ITIH4: variants seen among roughly 807,000 people sequenced by gnomAD.
The protein encoded by ITIH4 is inter-alpha-trypsin inhibitor heavy chain H4.
A neutral mutation model predicts 111.8 loss-of-function variants in ITIH4; 79 were observed. The observed-to-expected ratio is 0.71, with a 90% confidence interval of 0.59 to 0.85. The LOEUF (loss-of-function observed/expected upper bound fraction) is 0.85. Ranked by LOEUF, ITIH4 falls within the 40% of genes least tolerant of loss-of-function variation. The probability of loss-of-function intolerance (pLI) is 0.00; values close to 1 mark genes in which losing one functional copy is unlikely to be tolerated. For synonymous variants in ITIH4, 472 were observed against 468.3 expected, an observed-to-expected ratio of 1.01 and a Z score of -0.10; for missense variants, 1,065 against 1,195.8, an observed-to-expected ratio of 0.89 and a Z score of 1.61.
At position 52,814,358 on chromosome 3, in the gene ITIH4, T is replaced by G. The variant is rs1700241724; in HGVS notation, c.2477A>C (p.Lys826Thr). 6.2e-7 allele frequency: 1 copy of G among 1,613,820 alleles called. No homozygotes were observed. The highest frequency in any genetic ancestry group is 8.5e-7 in the Non-Finnish European group (1 of 1,179,906). Reference protein sequence around the residue: ...ETLFSVMPGLKMTMDKTGLLL... With the variant: ...ETLFSVMPGLTMTMDKTGLLL... ...GAGACCCGTCTTGTCCATGGTCATC[T>G]TCAGGCTGTGGAAAGACCCAGTGTC... Residue 826 changes from lysine to threonine, a missense_variant, in exon 22 of 24, where the codon AAG becomes ACG. Physicochemically the swap from Lys to Thr is moderately conservative, Grantham distance 78 (BLOSUM62 -1). Coordinates refer to ENST00000266041, the MANE Select transcript of ITIH4 (RefSeq NM_002218.5).
intron 18 of ITIH4, 80 bp downstream of exon 18, chr3:52,818,382 C>A (rs1279032661): frequency 1.3e-6 from 2 of 1,574,148 alleles, no homozygotes; most frequent in East Asian, 4.5e-5. Flanking sequence ...TCCCTCACTA[C>A]TTCAACATCG....
At chr3:52,819,235 C>A (rs1313041120) in intron 17 of ITIH4, 158 bp downstream of exon 17, 1 of 767,448 alleles carries the variant, frequency 1.3e-6, no homozygotes, top group East Asian at 2.8e-5. Context: ...GTAAATGATC[C>A]CAGGTTGAAC....
rs117681659 is a variant in ITIH4 at position 52,813,214 on chromosome 3, C to T, written c.*207G>A. ...TGACAGTGGAAGCTTCTGTGTTCCA[C>T]GATGCTAAGGTTCAGGATGCGAGGT... is the stretch of plus-strand genomic sequence containing the variant. On this transcript the variant is annotated 3_prime_UTR_variant, in exon 24 of 24. Transcript: ENST00000266041. The T allele has an allele frequency of 0.014, 7,826 of 571,288 alleles. 394 individuals are homozygous for T. The highest frequency in any genetic ancestry group is 0.12 in the South Asian group (5,113 of 43,852). 35.4% of individuals were successfully genotyped at this position (571,288 alleles called of 1,614,324 possible).
chr3:52,813,566 GGGACA>G, intron 23 of ITIH4, 76 bp from the exon 24 acceptor site: 3 of 1,328,594 alleles, frequency 2.3e-6, no homozygotes, highest in Non-Finnish European at 3.3e-6. Context: ...GAGACAGCTG[GGGACA>G]GGAACATGGA....
At position 52,813,275 on chromosome 3, in the gene ITIH4, C is replaced by T; in HGVS notation, c.*146G>A. 2 of 735,868 alleles carry T rather than the reference C, an allele frequency of 2.7e-6. No individual in the cohort carries two copies. Among genetic ancestry groups the T allele is most frequent in the African/African-American group, 1.8e-5 (1 of 57,126 alleles). 45.6% of individuals were successfully genotyped at this position (735,868 alleles called of 1,614,324 possible). On this transcript the variant is annotated 3_prime_UTR_variant, in exon 24 of 24. Coordinates refer to ENST00000266041, the MANE Select transcript of ITIH4 (RefSeq NM_002218.5). ...GGATTTGGCCACATGGAACTGGAGA[C>T]ACCCACTTCCCAGGCTCACACCACC...
chr3:52,814,344 T>C lies in ITIH4; in HGVS notation c.2491A>G (p.Lys831Glu), dbSNP rs1323429875. The C allele has an allele frequency of 4.3e-6, 7 of 1,613,946 alleles. No homozygotes were observed. The Admixed American group carries it at 6.7e-5, about 15-fold the overall frequency. ...TCACTGAGCAGCAGGAGACCCGTCTTGTCCATGGTCATCTTCAGGCTGTGG... is the reference window on the plus strand; with the variant it reads ...TCACTGAGCAGCAGGAGACCCGTCTCGTCCATGGTCATCTTCAGGCTGTGG... Reference protein sequence around the residue: ...VMPGLKMTMDKTGLLLLSDPD... With the variant: ...VMPGLKMTMDETGLLLLSDPD... Residue 831 changes from lysine (K) to glutamate (E), a missense_variant, in exon 22 of 24, where the codon AAG becomes GAG. By Grantham distance (56) the Lys-to-Glu change is moderately conservative. Transcript: ENST00000266041.
intron 5 of ITIH4, 140 bp from the exon 6 acceptor site, chr3:52,826,154 C>G (rs958980873): frequency 4.9e-6 from 6 of 1,231,642 alleles, no homozygotes; most frequent in Admixed American, 4.9e-5. Context: ...TTCTTTCAGG[C>G]TGAGTTATTG....
chr3:52,818,743 G>A (rs1234065521), intron 17 of ITIH4: 5 of 587,264 alleles, frequency 8.5e-6, no homozygotes, highest in African/African-American at 7.5e-5. Context: ...TTCGAGTGCA[G>A]ATTTGGGGAT....
rs1357307837 is a variant in ITIH4, at chr3:52,824,863, C to T, written c.855G>A (p.Met285Ile). Residue 285 changes from methionine (M) to isoleucine (I), a missense_variant, in exon 7 of 24, where the codon ATG becomes ATA. Physicochemically the swap from Met to Ile is conservative, Grantham distance 10 (BLOSUM62 1). Transcript: ENST00000266041. This position sits in a 1 kb window ranked among gnomAD's most constrained non-coding sequence, Gnocchi z 4.3. ...CTACCTGCTGGATTTTCCTGCCACT[C>T]ATGGAGCCGCTCTTGTCAATGACAA... ...VVFVIDKSGS[M>I]SGRKIQQTRE... 1 of 1,613,814 alleles carries T rather than the reference C, an allele frequency of 6.2e-7. No homozygotes were observed. Among genetic ancestry groups the T allele is most frequent in the Non-Finnish European group, 8.5e-7 (1 of 1,179,906 alleles).
chr3:52,824,771 T>G lies in ITIH4; in HGVS notation c.876+71A>C, dbSNP rs534778512. 1 of 1,365,910 alleles carries G rather than the reference T, an allele frequency of 7.3e-7. No individual in the cohort carries two copies. Among genetic ancestry groups the G allele is most frequent in the East Asian group, 2.3e-5 (1 of 43,396 alleles). The allele number at this position is 1,365,910 out of a possible 1,614,324, so 84.6% of individuals were successfully genotyped here. ...GAAAGGTGAAGCAAGGGGGTCTGCC[T>G]GCCGGACCACAGCTGATAGCGTGAA... On this transcript the variant is annotated intron_variant, in intron 7 of 23. Coordinates refer to ENST00000266041, the MANE Select transcript of ITIH4 (RefSeq NM_002218.5). This position sits in a 1 kb window ranked among gnomAD's most constrained non-coding sequence, Gnocchi z 4.3.
intron 21 of ITIH4, among the ~76,000 whole-genome samples, chr3:52,814,908 T>C (rs1452735622): frequency 6.6e-6 from 1 of 152,090 alleles, no homozygotes; most frequent in Non-Finnish European, 1.5e-5. Context: ...ATTCAGTTTG[T>C]CATAAATTAA....
rs552136003 is a variant in ITIH4, at chr3:52,822,087, T to A, written c.1540-957A>T. Among the ~76,000 whole-genome samples the A allele has an allele frequency of 1.4e-4, 21 of 152,340 alleles. No homozygotes were observed. The East Asian group carries it at 3.1e-3, about 22-fold the overall frequency. On this transcript the variant is annotated intron_variant, in intron 11 of 23. Transcript: ENST00000266041. ...GGCCAGGTGCGGTGGCTCACGCCTG[T>A]AATCCCAGCACTTTGGGAGGCCAAG...
intron 21 of ITIH4, among the ~76,000 whole-genome samples, chr3:52,815,539 A>G (rs1331170089): frequency 1.3e-5 from 2 of 150,946 alleles, no homozygotes; most frequent in Non-Finnish European, 3.0e-5. Flanking sequence ...ACCGTGCCCA[A>G]CCTATTTTTC....
At chr3:52,820,348 G>A in intron 13 of ITIH4, 31 bp from the exon 14 acceptor site, 1 of 1,603,944 alleles carries the variant, frequency 6.2e-7, no homozygotes, top group Non-Finnish European at 8.5e-7. Context: ...GAGAGAGACA[G>A]ACAGACAGAG....
At chr3:52,825,795 G>C in intron 6 of ITIH4, 91 bp downstream of exon 6, 1 of 1,422,138 alleles carries the variant, frequency 7.0e-7, no homozygotes, top group Non-Finnish European at 9.5e-7. Context: ...AAGTAAGGGT[G>C]GTTCTTTTCC....
chr3:52,829,522 G>A (rs892742627), intron 1 of ITIH4, among the ~76,000 whole-genome samples: 27 of 152,166 alleles, frequency 1.8e-4, no homozygotes, highest in African/African-American at 4.3e-4. Flanking sequence ...CAGGGGCCAC[G>A]TCCTTCTTGA....
In ITIH4 at chr3:52,816,985, G is replaced by C; in HGVS notation, c.2370C>G (p.Pro790=). 6.2e-7 allele frequency: 1 copy of C among 1,614,004 alleles called. No homozygotes were observed. Among genetic ancestry groups the C allele is most frequent in the Non-Finnish European group, 8.5e-7 (1 of 1,179,942 alleles). ...CAGGGGATGCGTGAACCCATACCAG[G>C]GGGTTCTTGAAGGTCACTTCGATCC... ...FSWIEVTFKN[P]LVWVHASPEH... The change falls in exon 21 of 24, where the codon CCC becomes CCG. Residue 790 remains proline (P), a synonymous_variant. Coordinates refer to ENST00000266041, the MANE Select transcript of ITIH4 (RefSeq NM_002218.5).
chr3:52,829,107 G>GGGGGGGC lies in ITIH4; in HGVS notation c.251+11_251+12insGCCCCCC. 1.2e-6 allele frequency: 1 copy of GGGGGGGC among 835,066 alleles called. No homozygotes were observed. The highest frequency in any genetic ancestry group is 1.9e-6 in the Non-Finnish European group (1 of 522,566). The allele number at this position is 835,066 out of a possible 1,614,324, so 51.7% of individuals were successfully genotyped here. A position where few individuals can be genotyped will look rare whatever the true frequency, so the allele number is the denominator to read the frequency against. Reference sequence around the variant, plus strand: ...GGGTGTGGAGAGGGGAGGAGGGTGGGAAGGCACCTACATGGAGAAGTTGGT... The same window carrying GGGGGGGC: ...GGGTGTGGAGAGGGGAGGAGGGTGGGGGGGGGCAAGGCACCTACATGGAGAAGTTGGT... On this transcript the variant is annotated intron_variant, in intron 2 of 23. Coordinates refer to ENST00000266041, the MANE Select transcript of ITIH4 (RefSeq NM_002218.5).
At position 52,817,944 on chromosome 3, in the gene ITIH4, G is replaced by T. The variant is rs1295102963; in HGVS notation, c.2296+108C>A. The T allele has an allele frequency of 5.9e-6, 5 of 845,222 alleles. No homozygotes were observed. The Admixed American group carries it at 8.8e-5, about 15-fold the overall frequency. The allele number at this position is 845,222 out of a possible 1,614,324, so 52.4% of individuals were successfully genotyped here. ...GGGAGGCAGGACCATGCTATGATCT[G>T]GGAGGGGCCTGTGTGGGGCCAGCCT... On this transcript the variant is annotated intron_variant, in intron 20 of 23. Coordinates refer to ENST00000266041, the MANE Select transcript of ITIH4 (RefSeq NM_002218.5).
Sources: allele counts gnomAD v4.1 joint callset (sites outside exome capture counted in the v4.1 genomes callset), GRCh38; gene constraint gnomAD v4.1.1; non-coding constraint Gnocchi (gnomAD v3.1); transcripts MANE v1.5; gene names NCBI Gene and HGNC (gene_info 2026-07-23, HGNC 2026-07-21).